FABP6: variants seen among roughly 807,000 people sequenced by gnomAD.
FABP6 encodes the protein gastrotropin.
A neutral mutation model predicts 14.9 loss-of-function variants in FABP6; 13 were observed. That is an observed-to-expected ratio of 0.87 (90% CI 0.57 to 1.39). The LOEUF (loss-of-function observed/expected upper bound fraction) is 1.39, where lower values mean the gene tolerates loss of function less well. Ranked by LOEUF, FABP6 falls within the 40% of genes most tolerant of loss-of-function variation. The pLI is 0.00. For missense variants in FABP6, 161 were observed against 167.2 expected, an observed-to-expected ratio of 0.96 and a Z score of 0.20; for synonymous variants, 75 against 63.6, an observed-to-expected ratio of 1.18 and a Z score of -0.85.
intron 2 of FABP6, among the ~76,000 whole-genome samples, chr5:160,202,229 A>C (rs1759657111): frequency 6.6e-6 from 1 of 152,156 alleles, no homozygotes; most frequent in Non-Finnish European, 1.5e-5. Flanking sequence ...GCCATGAAGG[A>C]GAAGTGGCAT....
chr5:160,206,962 C>T (rs1759782257), intron 2 of FABP6, among the ~76,000 whole-genome samples: 1 of 152,220 alleles, frequency 6.6e-6, no homozygotes. Flanking sequence ...TTCGTCCATA[C>T]AGAAGAAAAA....
chr5:160,233,559 A>C (rs1348081813), intron 2 of FABP6, among the ~76,000 whole-genome samples: 2 of 151,940 alleles, frequency 1.3e-5, no homozygotes, highest in Admixed American at 1.3e-4. Flanking sequence ...GAAAAAATGC[A>C]GTCATTTGCT....
At chr5:160,232,347 C>A (rs767725454) in intron 2 of FABP6, 74 bp downstream of exon 2, 17 of 1,419,340 alleles carry the variant, frequency 1.2e-5, no homozygotes, top group Non-Finnish European at 1.6e-5. Context: ...ATGGCCTCCC[C>A]GCTCCCGAGC....
intron 3 of FABP6, among the ~76,000 whole-genome samples, chr5:160,215,042 T>A (rs1254543470): frequency 6.6e-6 from 1 of 152,218 alleles, no homozygotes; most frequent in African/African-American, 2.4e-5. Context: ...TTGCCTCAAA[T>A]AACACTGTTC....
chr5:160,220,919 C>T (rs569918293), intron 3 of FABP6, among the ~76,000 whole-genome samples: 10 of 151,794 alleles, frequency 6.6e-5, no homozygotes, highest in Non-Finnish European at 1.5e-4. Flanking sequence ...GAAACCCCGT[C>T]TCTACTAAAA....
chr5:160,211,310 A>G (rs1759885777), intron 2 of FABP6, among the ~76,000 whole-genome samples: 1 of 151,974 alleles, frequency 6.6e-6, no homozygotes, highest in African/African-American at 2.4e-5. Flanking sequence ...ACCCACCCCC[A>G]GAGGGAATAC....
chr5:160,234,675 C>T (rs963248774), intron 2 of FABP6, 145 bp from the exon 3 acceptor site: 16 of 404,920 alleles, frequency 4.0e-5, no homozygotes, highest in Non-Finnish European at 7.1e-5. Context: ...GATCCGCCTG[C>T]CTCAGTCTCC....
chr5:160,216,765 A>T (rs530099654), intron 3 of FABP6, among the ~76,000 whole-genome samples: 1 of 152,316 alleles, frequency 6.6e-6, no homozygotes, highest in East Asian at 1.9e-4. Flanking sequence ...AGTAGGGATT[A>T]TTACAGCCCT....
chr5:160,225,070 A>C (rs1385094389), upstream of FABP6, among the ~76,000 whole-genome samples: 2 of 147,674 alleles, frequency 1.4e-5, no homozygotes, highest in Non-Finnish European at 3.0e-5. Context: ...ATGAACTACC[A>C]TGTCTGGTCA....
At chr5:160,218,147 T>C (rs10059420) in intron 3 of FABP6, among the ~76,000 whole-genome samples, 136,883 of 152,072 alleles carry the variant, frequency 0.9, 61,712 homozygotes, top group Non-Finnish European at 0.92. Context: ...TCTTGCTGTG[T>C]TGCCCAGGCT....
In FABP6 at chr5:160,223,332, C is replaced by CCCTT. The variant is rs367909259; in HGVS notation, c.136-6188_136-6185dup. Among the ~76,000 whole-genome samples the CCCTT allele has an allele frequency of 1.5e-3, 140 of 93,406 alleles. 2 individuals carry two copies. The highest frequency in any genetic ancestry group is 7.9e-3 in the East Asian group (15 of 1,898). The allele number at this position is 93,406 out of a possible 152,430, so 61.3% of individuals were successfully genotyped here. On this transcript the variant is annotated intron_variant, in intron 3 of 6. Coordinates refer to the FABP6 transcript ENST00000393980. Reference sequence around the variant, plus strand: ...TCATATAAGAGTGAATTTTTGCCCGCCCTTCCTTCCTTCCTTCCTTCCTTC... The same window carrying CCCTT: ...TCATATAAGAGTGAATTTTTGCCCGCCCTTCCTTCCTTCCTTCCTTCCTTCCTTC...
Position 160,232,315 on chromosome 5 carries a change from A to G in FABP6, c.243+42A>G, listed in dbSNP as rs763294491. On this transcript the variant is annotated intron_variant, in intron 2 of 3. Transcript: ENST00000402432. ...TGTCCCCCTCCTTCCCCAGGCCTCC[A>G]TCTGACTTCTCCTTCTCAAACATGG... is the stretch of plus-strand genomic sequence containing the variant. 2.0e-6 allele frequency: 3 copies of G among 1,532,442 alleles called. No individual in the cohort carries two copies. In the East Asian group the frequency reaches 7.3e-5, roughly 37 times the overall value. 94.9% of individuals were successfully genotyped at this position (1,532,442 alleles called of 1,614,324 possible).
At chr5:160,227,543 A>C (rs951984845), upstream of FABP6, among the ~76,000 whole-genome samples, 4 of 146,934 alleles carry the variant, frequency 2.7e-5, 1 homozygote, top group African/African-American at 1.0e-4. Context: ...AAAAAAAAAA[A>C]GGCATGGTGG....
intron 3 of FABP6, among the ~76,000 whole-genome samples, chr5:160,218,460 A>T (rs1461445981): frequency 3.6e-4 from 14 of 39,336 alleles, no homozygotes; most frequent in Non-Finnish European, 3.2e-4. Flanking sequence ...TTAGTCTTTG[A>T]CTTTTTTTTT....
At chr5:160,237,283 A>C (rs1241727453) in intron 3 of FABP6, among the ~76,000 whole-genome samples, 1 of 152,002 alleles carries the variant, frequency 6.6e-6, no homozygotes, top group African/African-American at 2.4e-5. Context: ...ATTCCCAGAG[A>C]TTCCTCATCA....
chr5:160,195,517 G>A (rs1053366815), intron 1 of FABP6, among the ~76,000 whole-genome samples: 5 of 152,192 alleles, frequency 3.3e-5, no homozygotes, highest in South Asian at 2.1e-4. Flanking sequence ...GCAGTGGCAC[G>A]ATCACAGCTC....
intron 1 of FABP6, among the ~76,000 whole-genome samples, chr5:160,193,615 A>C (rs2080952): frequency 1.3e-5 from 2 of 151,408 alleles, no homozygotes; most frequent in Non-Finnish European, 3.0e-5. Context: ...AGTTAGATAC[A>C]GAGTATCCAC....
At chr5:160,231,612 T>G (rs1760384167) in intron 1 of FABP6, among the ~76,000 whole-genome samples, 1 of 152,130 alleles carries the variant, frequency 6.6e-6, no homozygotes, top group Admixed American at 6.6e-5. Context: ...GCCAGGCTGG[T>G]CTCGAACTTC....
upstream of FABP6, among the ~76,000 whole-genome samples, chr5:160,226,149 G>A (rs1171066916): frequency 1.3e-5 from 2 of 151,508 alleles, no homozygotes; most frequent in African/African-American, 4.9e-5. Flanking sequence ...CTCCAGCCTG[G>A]GCGATAGAGT....
Sources: gnomAD v4.1 joint callset for allele counts (sites outside exome capture counted in the v4.1 genomes callset) on GRCh38, gnomAD v4.1.1 for gene constraint, MANE v1.5 for transcripts, NCBI Gene and HGNC (gene_info 2026-07-23, HGNC 2026-07-21) for gene names.